The following NKAIN2 variants were observed in gnomAD, a reference collection of about 807,000 sequenced individuals.
NKAIN2 encodes sodium/potassium-transporting ATPase subunit beta-1-interacting protein 2.
In NKAIN2, 14 loss-of-function variants were observed where a neutral mutation model predicts 32.6. That is an observed-to-expected ratio of 0.43 (90% CI 0.28 to 0.67). NKAIN2 has a LOEUF of 0.67. Ranked by LOEUF, NKAIN2 falls within the 30% of genes least tolerant of loss-of-function variation. The pLI is 0.17. For synonymous variants in NKAIN2, 80 were observed against 87.2 expected (o/e 0.92, Z 0.46); for missense variants, 198 against 258.3 (o/e 0.77, Z 1.60).
intron 5 of NKAIN2, among the ~76,000 whole-genome samples, chr6:124,808,150 C>G (rs568371867): frequency 2.3e-3 from 349 of 152,078 alleles, no homozygotes; most frequent in African/African-American, 7.9e-3. Flanking sequence ...CAGCATCATC[C>G]TGATACCAAA....
intron 1 of NKAIN2, among the ~76,000 whole-genome samples, chr6:123,911,787 A>ATATATATATATGTATATATATATATGTG (rs1554222343): frequency 1.1e-4 from 8 of 71,276 alleles, no homozygotes; most frequent in Middle Eastern, 6.0e-3. Context: ...ACATACATAT[A>ATATATATATATGTATATATATATATGTG]TATATATATA....
In NKAIN2 at chr6:124,289,693, A is replaced by G. The variant is rs1024781696; in HGVS notation, c.192+6551A>G. Among the ~76,000 whole-genome samples, 6 of 152,152 alleles carry G rather than the reference A, an allele frequency of 3.9e-5. No homozygotes were observed. In the East Asian group the frequency reaches 9.6e-4, roughly 24 times the overall value. On this transcript the variant is annotated intron_variant, in intron 2 of 6. Transcript: ENST00000368417. Reference sequence around the variant, plus strand: ...GGTCTCCATAGAGACTATCACCAACAACAATAAATCAGGAGCACTGTCTCC... The same window carrying G: ...GGTCTCCATAGAGACTATCACCAACGACAATAAATCAGGAGCACTGTCTCC...
intron 2 of NKAIN2, among the ~76,000 whole-genome samples, chr6:124,335,232 A>T (rs1035896956): frequency 6.6e-6 from 1 of 152,182 alleles, no homozygotes; most frequent in African/African-American, 2.4e-5. Context: ...AAATGTTATG[A>T]CTCAGCCTAC....
At chr6:124,540,699 G>T (rs1392125581) in intron 3 of NKAIN2, among the ~76,000 whole-genome samples, 1 of 152,174 alleles carries the variant, frequency 6.6e-6, no homozygotes, top group Non-Finnish European at 1.5e-5. Flanking sequence ...ACTGTACAAT[G>T]GTGAGAAAGT....
chr6:123,974,249 T>C (rs1487514599), intron 1 of NKAIN2, among the ~76,000 whole-genome samples: 1 of 152,138 alleles, frequency 6.6e-6, no homozygotes, highest in Non-Finnish European at 1.5e-5. Flanking sequence ...ATTAGTGAAA[T>C]TCTAATTCTT....
chr6:124,167,059 T>G (rs1189055203), intron 1 of NKAIN2, among the ~76,000 whole-genome samples: 1 of 146,304 alleles, frequency 6.8e-6, no homozygotes. Flanking sequence ...GTGAAGAAAG[T>G]CATTGGTAGC....
At chr6:124,018,618 T>C (rs1344510831) in intron 1 of NKAIN2, among the ~76,000 whole-genome samples, 5 of 152,150 alleles carry the variant, frequency 3.3e-5, no homozygotes, top group Admixed American at 1.3e-4. Flanking sequence ...TGCTGAAGCA[T>C]AACAAGAGTC....
chr6:124,545,271 C>T (rs77300192), intron 3 of NKAIN2, among the ~76,000 whole-genome samples: 1,953 of 152,064 alleles, frequency 0.013, 39 homozygotes, highest in African/African-American at 0.045. Flanking sequence ...ATATCAAACA[C>T]GTAGAAAGGA....
intron 1 of NKAIN2, among the ~76,000 whole-genome samples, chr6:123,974,620 GC>G (rs1393698035): frequency 1.3e-5 from 2 of 152,106 alleles, no homozygotes; most frequent in Non-Finnish European, 2.9e-5. Context: ...GCTTGTGCGG[GC>G]AAAAGGTTGA....
intron 2 of NKAIN2, among the ~76,000 whole-genome samples, chr6:124,346,522 A>T (rs541093090): frequency 2.6e-5 from 4 of 152,278 alleles, no homozygotes; most frequent in African/African-American, 9.6e-5. Context: ...GTGCTCCTGT[A>T]TTGGGTGCAT....
intron 1 of NKAIN2, among the ~76,000 whole-genome samples, chr6:123,858,987 G>A (rs941403808): frequency 6.6e-6 from 1 of 151,904 alleles, no homozygotes; most frequent in African/African-American, 2.4e-5. Flanking sequence ...ACATATGTGT[G>A]TTTCATTATA....
At chr6:123,896,631 C>T (rs1309754572) in intron 1 of NKAIN2, among the ~76,000 whole-genome samples, 1 of 152,174 alleles carries the variant, frequency 6.6e-6, no homozygotes, top group African/African-American at 2.4e-5. Context: ...TCCAAGGTTG[C>T]TCATTGAGAG....
intron 3 of NKAIN2, among the ~76,000 whole-genome samples, chr6:124,384,730 G>A (rs1339467489): frequency 6.8e-6 from 1 of 146,804 alleles, no homozygotes; most frequent in African/African-American, 2.4e-5. Context: ...GGGTTCAAGC[G>A]ATCCTTCTCA....
At chr6:124,316,182 C>T (rs1219575338) in intron 2 of NKAIN2, among the ~76,000 whole-genome samples, 1 of 152,002 alleles carries the variant, frequency 6.6e-6, no homozygotes, top group Non-Finnish European at 1.5e-5. Context: ...ATCTTGACTA[C>T]CCTGATTTGA....
chr6:124,452,046 T>G (rs554111557), intron 3 of NKAIN2, among the ~76,000 whole-genome samples: 2 of 151,966 alleles, frequency 1.3e-5, no homozygotes, highest in South Asian at 4.2e-4. Flanking sequence ...AATATAAAAA[T>G]TATCCTGGTG....
chr6:123,996,278 C>T (rs1779618572), intron 1 of NKAIN2, among the ~76,000 whole-genome samples: 2 of 145,082 alleles, frequency 1.4e-5, no homozygotes, highest in African/African-American at 2.6e-5. Context: ...AATAGTAAAG[C>T]TTTTAAAAGA....
At chr6:124,244,703 C>T (rs1162728758) in intron 1 of NKAIN2, among the ~76,000 whole-genome samples, 1 of 152,046 alleles carries the variant, frequency 6.6e-6, no homozygotes, top group Non-Finnish European at 1.5e-5. Context: ...AACTTAAGCA[C>T]CGTAAGGACT....
chr6:124,684,850 A>G (rs1376943533), intron 4 of NKAIN2, among the ~76,000 whole-genome samples: 1 of 152,158 alleles, frequency 6.6e-6, no homozygotes, highest in Admixed American at 6.5e-5. Flanking sequence ...CCTAACATCC[A>G]GCCCCAGGCA....
chr6:124,743,610 T>C (rs1187363425), intron 4 of NKAIN2, among the ~76,000 whole-genome samples: 1 of 151,842 alleles, frequency 6.6e-6, no homozygotes, highest in Non-Finnish European at 1.5e-5. Context: ...TAACATGATA[T>C]CCCTCTCTGA....
Sources: allele counts gnomAD v4.1 joint callset (sites outside exome capture counted in the v4.1 genomes callset), GRCh38; gene constraint gnomAD v4.1.1; transcripts MANE v1.5; gene names NCBI Gene and HGNC (gene_info 2026-07-23, HGNC 2026-07-21).